VPS41: variants seen among roughly 807,000 people sequenced by gnomAD.
The protein encoded by VPS41 is VPS41 subunit of HOPS complex.
Under a neutral mutation model 130.9 loss-of-function variants are expected in VPS41, and 85 were observed. The ratio of observed to expected loss-of-function variants is 0.65; its 90% CI spans 0.55 to 0.78. The LOEUF is 0.78. VPS41 is among the 30% of genes least tolerant of loss of function. The pLI, the probability that VPS41 is intolerant of heterozygous loss-of-function variation, is 0.00. For synonymous variants in VPS41, 335 were observed against 332.9 expected, an observed-to-expected ratio of 1.01 and a Z score of -0.07; for missense variants, 874 against 1,018.7, an observed-to-expected ratio of 0.86 and a Z score of 1.93.
chr7:38,759,764 C>G (rs1411094986), intron 17 of VPS41, among the ~76,000 whole-genome samples: 1 of 152,140 alleles, frequency 6.6e-6, no homozygotes, highest in African/African-American at 2.4e-5. Context: ...ACAGATATTA[C>G]CCAAGTCAGC....
At chr7:38,773,977 T>C (rs995149557) in intron 12 of VPS41, 138 bp downstream of exon 12, 31 of 810,674 alleles carry the variant, frequency 3.8e-5, no homozygotes, top group Non-Finnish European at 5.2e-5. Flanking sequence ...ATGTCCTTGT[T>C]TTCAGCACAC....
At chr7:38,897,433 C>G (rs536864913) in intron 2 of VPS41, among the ~76,000 whole-genome samples, 2 of 151,816 alleles carry the variant, frequency 1.3e-5, no homozygotes, top group South Asian at 4.2e-4. Flanking sequence ...ATCACAAGGT[C>G]AGGAGATCAA....
At chr7:38,737,850 GAGAGAAATGT>G (rs1795801885) in intron 25 of VPS41, among the ~76,000 whole-genome samples, 1 of 152,190 alleles carries the variant, frequency 6.6e-6, no homozygotes. Flanking sequence ...TCCTGCTCCA[GAGAGAAATGT>G]AGAGAAACCT....
At chr7:38,774,734 A>G (rs1784225219) in intron 11 of VPS41, among the ~76,000 whole-genome samples, 1 of 152,220 alleles carries the variant, frequency 6.6e-6, no homozygotes, top group African/African-American at 2.4e-5. Context: ...ATCTCATTTT[A>G]TACTTTCGTT....
intron 7 of VPS41, among the ~76,000 whole-genome samples, chr7:38,810,401 AC>A (rs1784920628): frequency 1.1e-5 from 1 of 94,808 alleles, no homozygotes; most frequent in Admixed American, 1.3e-4. Flanking sequence ...TATGTTGCAT[AC>A]TTTGAAAAGT....
intron 4 of VPS41, 74 bp downstream of exon 4, chr7:38,862,471 G>T: frequency 1.1e-6 from 1 of 937,374 alleles, no homozygotes. Flanking sequence ...AAACAAACTG[G>T]TAAACCAATA....
At chr7:38,769,428 A>G (rs998954602) in intron 14 of VPS41, among the ~76,000 whole-genome samples, 1 of 152,268 alleles carries the variant, frequency 6.6e-6, no homozygotes, top group Non-Finnish European at 1.5e-5. Context: ...TAGTGCTAAT[A>G]GGACCCTAAT....
chr7:38,792,139 A>C (rs535948175), intron 9 of VPS41, among the ~76,000 whole-genome samples: 4 of 152,190 alleles, frequency 2.6e-5, no homozygotes, highest in Admixed American at 2.0e-4. Flanking sequence ...GCTCTACTGC[A>C]CTCCTCAGCT....
chr7:38,834,351 T>C (rs1020143384), intron 4 of VPS41, among the ~76,000 whole-genome samples: 1 of 152,212 alleles, frequency 6.6e-6, no homozygotes, highest in African/African-American at 2.4e-5. Context: ...TTAATATTCC[T>C]TTGACAGTTT....
intron 16 of VPS41, 147 bp downstream of exon 16, chr7:38,765,433 A>G: frequency 5.6e-6 from 3 of 538,596 alleles, no homozygotes; most frequent in Non-Finnish European, 9.6e-6. Flanking sequence ...TTATATTTTG[A>G]AACTGTCTCT....
intron 5 of VPS41, among the ~76,000 whole-genome samples, 154 bp from the exon 6 acceptor site, chr7:38,821,419 T>C (rs973158011): frequency 1.3e-5 from 2 of 152,126 alleles, no homozygotes; most frequent in African/African-American, 4.8e-5. Context: ...AACAATCCCA[T>C]CAGCCACGTA....
chr7:38,783,285 C>G (rs1277933177), intron 10 of VPS41, among the ~76,000 whole-genome samples: 1 of 151,408 alleles, frequency 6.6e-6, no homozygotes, highest in Non-Finnish European at 1.5e-5. Context: ...GCTTGTAATC[C>G]CAGCACTTTG....
At chr7:38,832,161 T>C (rs371315994) in intron 4 of VPS41, among the ~76,000 whole-genome samples, 1 of 152,264 alleles carries the variant, frequency 6.6e-6, no homozygotes, top group East Asian at 1.9e-4. Context: ...AACATGTTTG[T>C]TGTTTTGTCA....
chr7:38,740,701 T>C (rs1021174701), intron 25 of VPS41, among the ~76,000 whole-genome samples: 4 of 152,156 alleles, frequency 2.6e-5, no homozygotes, highest in African/African-American at 7.2e-5. Context: ...GCATGATCTC[T>C]CACACCCCCA....
intron 2 of VPS41, among the ~76,000 whole-genome samples, chr7:38,883,121 T>C (rs184384145): frequency 6.6e-6 from 1 of 152,304 alleles, no homozygotes; most frequent in East Asian, 1.9e-4. Context: ...CATGCACCTG[T>C]ACTCCTAGCT....
At position 38,743,397 on chromosome 7, in the gene VPS41, C is replaced by T. The variant is rs756538007; in HGVS notation, c.2122+5G>A. The T allele has an allele frequency of 1.9e-6, 3 of 1,613,744 alleles. No homozygotes were observed. The East Asian group carries it at 6.7e-5, about 36-fold the overall frequency. ...GTTATAACCAGAGATGGCTTTTATG[C>T]TTACGTGGTTTGTCAATGGAATATA... On this transcript the variant is annotated splice_donor_5th_base_variant and intron_variant, in intron 24 of 28. Transcript: ENST00000310301.
At chr7:38,797,974 G>A (rs1027534074) in intron 7 of VPS41, among the ~76,000 whole-genome samples, 2 of 152,106 alleles carry the variant, frequency 1.3e-5, no homozygotes, top group African/African-American at 4.8e-5. Context: ...ACTTCCACAG[G>A]GAGACTGGAG....
chr7:38,841,190 T>A (rs889419695), intron 4 of VPS41, among the ~76,000 whole-genome samples: 1 of 152,196 alleles, frequency 6.6e-6, no homozygotes, highest in African/African-American at 2.4e-5. Context: ...TTAAACTGCA[T>A]CACAGTCATT....
intron 7 of VPS41, among the ~76,000 whole-genome samples, chr7:38,805,169 T>C (rs1484131853): frequency 2.0e-5 from 3 of 152,216 alleles, no homozygotes; most frequent in African/African-American, 4.8e-5. Context: ...GCAAAATTGC[T>C]AAGTCTTGAA....
Sources: gnomAD v4.1 joint callset for allele counts (sites outside exome capture counted in the v4.1 genomes callset) on GRCh38, gnomAD v4.1.1 for gene constraint, MANE v1.5 for transcripts, NCBI Gene and HGNC (gene_info 2026-07-23, HGNC 2026-07-21) for gene names.